The following ANKRD26 variants were observed in gnomAD, a reference collection of about 807,000 sequenced individuals.
ANKRD26 encodes the protein ankyrin repeat domain-containing protein 26.
A neutral mutation model predicts 208.7 loss-of-function variants in ANKRD26; 141 were observed. The ratio of observed to expected loss-of-function variants is 0.68; its 90% CI spans 0.59 to 0.78. The LOEUF (loss-of-function observed/expected upper bound fraction) is 0.78, where lower values mean the gene tolerates loss of function less well. Ranked by LOEUF, ANKRD26 falls within the 30% of genes least tolerant of loss-of-function variation. The probability of loss-of-function intolerance (pLI) is 0.00; values close to 1 mark genes in which losing one functional copy is unlikely to be tolerated. For synonymous variants in ANKRD26, 636 were observed against 660.4 expected, an observed-to-expected ratio of 0.96 and a Z score of 0.57; for missense variants, 1,889 against 1,938.7, an observed-to-expected ratio of 0.97 and a Z score of 0.48.
At position 27,035,106 on chromosome 10, in the gene ANKRD26, T is replaced by A. The variant is rs2053999982; in HGVS notation, c.3344A>T (p.Tyr1115Phe). The A allele has an allele frequency of 6.2e-7, 1 of 1,612,838 alleles. No individual in the cohort carries two copies. Among genetic ancestry groups the A allele is most frequent in the East Asian group, 2.2e-5 (1 of 44,858 alleles). Residue 1115 changes from tyrosine (Y) to phenylalanine (F), a missense_variant, in exon 24 of 34, where the codon TAT becomes TTT. Physicochemically the swap from Tyr to Phe is conservative, Grantham distance 22. Transcript: ENST00000376087. ...ATTCACTTTAACTTGTTCATTTTGA[T>A]ACTTTTGTTCCATTTCCTTCATTTG... ...QCQMKEMEQK[Y>F]QNEQVKVNKY...
chr10:26,981,511 A>G (rs1022453920), intron 4 of ANKRD26, among the ~76,000 whole-genome samples: 3 of 152,200 alleles, frequency 2.0e-5, no homozygotes, highest in African/African-American at 7.2e-5. Context: ...GGACCACGAA[A>G]AAAAGGCAGA....
exon 6 of ANKRD26, among the ~76,000 whole-genome samples, chr10:26,974,543 T>C (rs2134598975): frequency 6.6e-6 from 1 of 152,272 alleles, no homozygotes; most frequent in Admixed American, 6.5e-5. Flanking sequence ...GGTTTCACCG[T>C]GTTAGCCAGG....
chr10:27,022,714 T>A (rs2135036763), intron 28 of ANKRD26, 27 bp from the exon 29 acceptor site: 2 of 1,565,266 alleles, frequency 1.3e-6, no homozygotes, highest in Middle Eastern at 1.7e-4. Flanking sequence ...AATGAGTAAC[T>A]CAAGTTTTAA....
chr10:27,024,167 T>G (rs1347010333), intron 28 of ANKRD26, among the ~76,000 whole-genome samples: 1 of 152,146 alleles, frequency 6.6e-6, no homozygotes, highest in African/African-American at 2.4e-5. Context: ...TGAAAATATC[T>G]TCAGAAATAA....
rs2053340657 is a variant in ANKRD26, at chr10:27,017,594, G to A, written c.4414C>T (p.Leu1472Phe). The A allele has an allele frequency of 6.2e-7, 1 of 1,613,584 alleles. No individual in the cohort carries two copies. The highest frequency in any genetic ancestry group is 1.7e-5 in the Admixed American group (1 of 60,000). Residue 1472 changes from leucine to phenylalanine, a missense_variant, in exon 30 of 34, where the codon CTT becomes TTT. This residue lies in a region of ANKRD26 where 613 missense variants were observed against 648.2 expected (regional missense o/e 0.95). Transcript: ENST00000376087. ...RSHIERNMVE[L>F]GQVKQYKQEI... The stretch of plus-strand genomic sequence containing the variant: ...TGTTTATACTGTTTGACTTGACCAA[G>A]TTCTACCATATTCCTTTCTATATGA...
chr10:27,051,339 C>T, intron 16 of ANKRD26: 1 of 1,262,256 alleles, frequency 7.9e-7, no homozygotes, highest in Non-Finnish European at 1.0e-6. Flanking sequence ...AATACTATGC[C>T]TTTTTATGTG....
intron 4 of ANKRD26, among the ~76,000 whole-genome samples, 159 bp from the exon 5 acceptor site, chr10:27,086,768 G>GTTTTTTTTTTTTTTTTTTTTTTTTTT (rs36035101): frequency 1.0e-5 from 1 of 97,016 alleles, no homozygotes. Flanking sequence ...AAACTTTTTT[G>GTTTTTTTTTTTTTTTTTTTTTTTTTT]TTTTTTTTTT....
At chr10:27,092,281 C>T in intron 4 of ANKRD26, 125 bp downstream of exon 4, 1 of 684,044 alleles carries the variant, frequency 1.5e-6, no homozygotes, top group South Asian at 1.7e-5. Flanking sequence ...TGAGAAACAC[C>T]AACGAATCAC....
chr10:27,001,524 G>C (rs906075685), downstream of ANKRD26, among the ~76,000 whole-genome samples: 5 of 152,186 alleles, frequency 3.3e-5, no homozygotes, highest in Non-Finnish European at 5.9e-5. Context: ...GGGCACAAAA[G>C]ATTGGTTAGA....
downstream of ANKRD26, among the ~76,000 whole-genome samples, chr10:27,001,232 T>C (rs11015445): frequency 0.11 from 16,124 of 152,078 alleles, 1,147 homozygotes; most frequent in East Asian, 0.27. Flanking sequence ...AGAGTTGTGG[T>C]GGCCCAGAGT....
chr10:26,972,689 G>C (rs12780017), downstream of ANKRD26, among the ~76,000 whole-genome samples: 13,437 of 148,400 alleles, frequency 0.091, 827 homozygotes, highest in East Asian at 0.27. Context: ...CTCCCAGGTT[G>C]ACGCCATTCT....
chr10:26,990,170 T>C (rs986609032), downstream of ANKRD26, among the ~76,000 whole-genome samples: 1 of 152,144 alleles, frequency 6.6e-6, no homozygotes, highest in Non-Finnish European at 1.5e-5. Context: ...TTCTAGGCCA[T>C]TGTAACTTAG....
chr10:27,029,944 T>C (rs1309605295), intron 25 of ANKRD26, among the ~76,000 whole-genome samples: 2 of 152,204 alleles, frequency 1.3e-5, no homozygotes, highest in Non-Finnish European at 2.9e-5. Flanking sequence ...TAACATTCAG[T>C]GTCTCAATTT....
intron 6 of ANKRD26, among the ~76,000 whole-genome samples, chr10:27,082,510 C>T (rs1015931490): frequency 3.9e-5 from 6 of 152,132 alleles, no homozygotes; most frequent in Non-Finnish European, 8.8e-5. Flanking sequence ...GATCCAGCAC[C>T]GCACAGGTCT....
Position 27,047,835 on chromosome 10 carries a change from C to T in ANKRD26, c.1814+966G>A, listed in dbSNP as rs527356466. On this transcript the variant is annotated intron_variant, in intron 17 of 33. Transcript: ENST00000376087. ...CTCGGCTCACTGCAACTTCCGACTC[C>T]CGGGTTCAAGTGATTCTCCTGCCTC... 3.4e-4 allele frequency among the ~76,000 whole-genome samples: 51 copies of T among 151,682 alleles called. No individual in the cohort carries two copies. In the East Asian group the frequency reaches 6.2e-3, roughly 19 times the overall value.
chr10:26,974,463 C>T (rs1430665477), exon 6 of ANKRD26, among the ~76,000 whole-genome samples: 3 of 151,944 alleles, frequency 2.0e-5, no homozygotes, highest in African/African-American at 7.3e-5. Flanking sequence ...GCCTCAGCCT[C>T]CAGAGTAGCT....
chr10:27,018,279 C>A (rs1311119747), intron 29 of ANKRD26, among the ~76,000 whole-genome samples: 1 of 151,626 alleles, frequency 6.6e-6, no homozygotes, highest in Admixed American at 6.6e-5. Context: ...GGACTACAGG[C>A]ACCCACCACC....
At chr10:26,949,262 TTGAAG>T in the ANKRD26 span, among the ~76,000 whole-genome samples, 1 of 152,178 alleles carries the variant, frequency 6.6e-6, no homozygotes, top group Non-Finnish European at 1.5e-5. Flanking sequence ...GTTGCCTTAA[TTGAAG>T]TATGATATAC....
intron 15 of ANKRD26, among the ~76,000 whole-genome samples, chr10:27,056,461 A>T (rs2054843198): frequency 6.6e-6 from 1 of 151,610 alleles, no homozygotes; most frequent in Non-Finnish European, 1.5e-5. Flanking sequence ...TACAGGTGTG[A>T]CCCAGCCAAA....
Sources: allele counts gnomAD v4.1 joint callset (sites outside exome capture counted in the v4.1 genomes callset), GRCh38; gene constraint gnomAD v4.1.1; regional missense constraint gnomAD v4.1.1; transcripts MANE v1.5; gene names NCBI Gene and HGNC (gene_info 2026-07-23, HGNC 2026-07-21).